CRACR2A: variants seen among roughly 807,000 people sequenced by gnomAD.
CRACR2A encodes calcium release activated channel regulator 2A.
CRACR2A carries 79 observed loss-of-function variants against 90.5 expected under a neutral mutation model. The ratio of observed to expected loss-of-function variants is 0.87; its 90% confidence interval spans 0.73 to 1.05. CRACR2A has a LOEUF of 1.05. Ranked by LOEUF, CRACR2A falls within the 50% of genes least tolerant of loss-of-function variation. The probability of loss-of-function intolerance (pLI) is 0.00; values close to 1 mark genes in which losing one functional copy is unlikely to be tolerated. For missense variants in CRACR2A, 823 were observed against 897.2 expected (o/e 0.92, Z 1.06); for synonymous variants, 338 against 356.7 (o/e 0.95, Z 0.59).
chr12:3,659,505 G>C, intron 8 of CRACR2A, 59 bp downstream of exon 8: 1 of 1,490,722 alleles, frequency 6.7e-7, no homozygotes, highest in Non-Finnish European at 9.3e-7. Context: ...AAACCTGGGG[G>C]AGACAGAGCA....
chr12:3,666,135 A>G (rs1945130479), intron 7 of CRACR2A, among the ~76,000 whole-genome samples: 1 of 152,094 alleles, frequency 6.6e-6, no homozygotes. Flanking sequence ...AGGTGAGTTC[A>G]GAATAGGGAG....
At chr12:3,733,765 A>G (rs1946396901) in intron 1 of CRACR2A, among the ~76,000 whole-genome samples, 1 of 151,932 alleles carries the variant, frequency 6.6e-6, no homozygotes, top group Admixed American at 6.6e-5. Flanking sequence ...TGCTACTCAT[A>G]GCTAAGATTA....
At chr12:3,712,463 A>C (rs565628952) in intron 3 of CRACR2A, among the ~76,000 whole-genome samples, 1 of 152,286 alleles carries the variant, frequency 6.6e-6, no homozygotes, top group Admixed American at 6.5e-5. Flanking sequence ...TCAGATGGCA[A>C]AGCAGGAGCA....
intron 17 of CRACR2A, among the ~76,000 whole-genome samples, chr12:3,624,215 G>A (rs1591634729): frequency 1.3e-5 from 2 of 152,150 alleles, no homozygotes; most frequent in Admixed American, 1.3e-4. Flanking sequence ...AGGGAGGAAG[G>A]GGGACTGTGA....
chr12:3,652,824 T>C (rs549416200), intron 10 of CRACR2A, among the ~76,000 whole-genome samples: 1 of 152,272 alleles, frequency 6.6e-6, no homozygotes, highest in South Asian at 2.1e-4. Context: ...CGTGAGTAAA[T>C]GATAGCAAGT....
At chr12:3,631,295 C>A (rs901869587) in intron 15 of CRACR2A, among the ~76,000 whole-genome samples, 1 of 152,152 alleles carries the variant, frequency 6.6e-6, no homozygotes, top group African/African-American at 2.4e-5. Context: ...GTCTGATTTT[C>A]TATTTTTCAG....
intron 1 of CRACR2A, among the ~76,000 whole-genome samples, chr12:3,735,206 C>T (rs1946431708): frequency 6.6e-6 from 1 of 152,062 alleles, no homozygotes; most frequent in Non-Finnish European, 1.5e-5. Flanking sequence ...TCAGTTACAC[C>T]TCAATAAAGC....
In CRACR2A at chr12:3,621,762, G is replaced by A. The variant is rs534181582; in HGVS notation, c.1933-2390C>T. The stretch of plus-strand genomic sequence containing the variant: ...AATTTAAAAGCAAAGCACTCAGCAG[G>A]AGCTGCGGTTTCTGTTCTTTGTATT... On this transcript the variant is annotated intron_variant, in intron 17 of 19. Transcript: ENST00000440314. Among the ~76,000 whole-genome samples the A allele has an allele frequency of 6.6e-5, 10 of 150,750 alleles. No homozygotes were observed. In the South Asian group the frequency reaches 2.1e-3, roughly 32 times the overall value.
chr12:3,684,273 A>G (rs1241589568), intron 4 of CRACR2A, among the ~76,000 whole-genome samples: 1 of 152,190 alleles, frequency 6.6e-6, no homozygotes, highest in Non-Finnish European at 1.5e-5. Flanking sequence ...CAGTTCAGCT[A>G]TACCAAATCT....
intron 13 of CRACR2A, chr12:3,640,574 T>A: frequency 1.6e-6 from 2 of 1,282,196 alleles, no homozygotes; most frequent in Middle Eastern, 2.2e-4. Flanking sequence ...ATTGCAGAGA[T>A]TTGGCTCCCA....
At chr12:3,644,082 T>C (rs2137400212) in intron 12 of CRACR2A, among the ~76,000 whole-genome samples, 1 of 145,468 alleles carries the variant, frequency 6.9e-6, no homozygotes, top group Admixed American at 7.2e-5. Flanking sequence ...ACACTACATA[T>C]ATATAGAGAG....
chr12:3,735,041 A>C (rs572788903), intron 1 of CRACR2A, among the ~76,000 whole-genome samples: 104 of 152,130 alleles, frequency 6.8e-4, no homozygotes, highest in African/African-American at 2.3e-3. Context: ...AAAAATGGTA[A>C]CTAGGTGGGG....
At chr12:3,693,943 T>C (rs1945695540) in intron 4 of CRACR2A, among the ~76,000 whole-genome samples, 1 of 152,180 alleles carries the variant, frequency 6.6e-6, no homozygotes, top group Non-Finnish European at 1.5e-5. Flanking sequence ...CGAGTGTCCA[T>C]GGTGGTTGAG....
At chr12:3,738,731 T>C (rs565819665) in intron 1 of CRACR2A, among the ~76,000 whole-genome samples, 69 of 152,006 alleles carry the variant, frequency 4.5e-4, no homozygotes, top group Non-Finnish European at 8.7e-4. Flanking sequence ...TTTTCTAAAG[T>C]GATGAAAGAT....
chr12:3,638,050 G>C, intron 14 of CRACR2A, 74 bp downstream of exon 14: 1 of 1,415,272 alleles, frequency 7.1e-7, no homozygotes. Flanking sequence ...CTGCCTCTCC[G>C]GGCGCTTGGC....
Position 3,638,422 on chromosome 12 carries a change from A to G in CRACR2A, c.1304T>C (p.Ile435Thr), listed in dbSNP as rs1944499784. Residue 435 changes from isoleucine to threonine, a missense_variant, in exon 14 of 20, where the codon ATC becomes ACC. Physicochemically the swap from Ile to Thr is moderately conservative, Grantham distance 89. Coordinates refer to ENST00000440314, the MANE Select transcript of CRACR2A (RefSeq NM_001144958.2). Reference protein sequence around the residue: ...QSEEEEEVFGIPRRSSLGLSG... With the variant: ...QSEEEEEVFGTPRRSSLGLSG... ...CAGGCCCAGGGAGCTTCTCCTTGGGATGCCAAACACCTCCTCCTCCTCCTC... is the reference window on the plus strand; with the variant it reads ...CAGGCCCAGGGAGCTTCTCCTTGGGGTGCCAAACACCTCCTCCTCCTCCTC... 6.5e-7 allele frequency: 1 copy of G among 1,547,430 alleles called. No homozygotes were observed. The highest frequency in any genetic ancestry group is 1.4e-5 in the African/African-American group (1 of 72,960).
At chr12:3,670,431 C>T (rs1945219131) in intron 7 of CRACR2A, among the ~76,000 whole-genome samples, 1 of 152,146 alleles carries the variant, frequency 6.6e-6, no homozygotes, top group Non-Finnish European at 1.5e-5. Flanking sequence ...AATGTCCCTC[C>T]CACAAACAAC....
intron 1 of CRACR2A, among the ~76,000 whole-genome samples, chr12:3,741,768 A>G (rs1946528558): frequency 6.6e-6 from 1 of 152,196 alleles, no homozygotes; most frequent in African/African-American, 2.4e-5. Flanking sequence ...GTCACATCAC[A>G]TCGGCATTTG....
chr12:3,636,731 G>A (rs1237566583), intron 14 of CRACR2A, among the ~76,000 whole-genome samples: 1 of 152,224 alleles, frequency 6.6e-6, no homozygotes, highest in Non-Finnish European at 1.5e-5. Context: ...AGGGCATGCA[G>A]GAGGGAGGGG....
Sources: gnomAD v4.1 joint callset for allele counts (sites outside exome capture counted in the v4.1 genomes callset) on GRCh38, gnomAD v4.1.1 for gene constraint, MANE v1.5 for transcripts, NCBI Gene and HGNC (gene_info 2026-07-23, HGNC 2026-07-21) for gene names.